NEBL: variants seen among roughly 807,000 people sequenced by gnomAD.
The protein encoded by NEBL is nebulette.
A neutral mutation model predicts 140.2 loss-of-function variants in NEBL; 122 were observed. The observed-to-expected ratio is 0.87, with a 90% confidence interval of 0.75 to 1.01. The LOEUF (loss-of-function observed/expected upper bound fraction) is 1.01, where lower values mean the gene tolerates loss of function less well. NEBL is among the 50% of genes least tolerant of loss of function. The pLI is 0.00. For missense variants in NEBL, 1,365 were observed against 1,231.3 expected (o/e 1.11, Z -1.62); for synonymous variants, 436 against 398.9 (o/e 1.09, Z -1.11).
chr10:20,850,926 C>T (rs1231847019), intron 10 of NEBL, among the ~76,000 whole-genome samples: 6 of 152,132 alleles, frequency 3.9e-5, no homozygotes, highest in Non-Finnish European at 7.4e-5. Flanking sequence ...GGGTATGATT[C>T]TCTATTTTTT....
At chr10:21,048,189 G>T (rs763427588) in intron 2 of NEBL, among the ~76,000 whole-genome samples, 1 of 152,086 alleles carries the variant, frequency 6.6e-6, no homozygotes, top group Admixed American at 6.5e-5. Flanking sequence ...TTCTCCCCTC[G>T]CACGCTGTCC....
chr10:21,035,449 A>G (rs1452721988), intron 2 of NEBL, among the ~76,000 whole-genome samples: 2 of 152,276 alleles, frequency 1.3e-5, no homozygotes, highest in Non-Finnish European at 2.9e-5. Context: ...CTTCCAAGCA[A>G]CTCAATAAGC....
At position 20,850,535 on chromosome 10, in the gene NEBL, G is replaced by C. The variant is rs200562329; in HGVS notation, c.1009-33C>G. The stretch of plus-strand genomic sequence containing the variant: ...GGAAAAAGAAAAGCATATACAAATC[G>C]AAAGTCCTTATACAAACAGAGCAAA... On this transcript the variant is annotated intron_variant, in intron 10 of 27. Coordinates refer to ENST00000377122, the MANE Select transcript of NEBL (RefSeq NM_006393.3). The C allele has an allele frequency of 3.2e-5, 44 of 1,383,196 alleles. 1 individual carries two copies. In the Middle Eastern group the frequency reaches 9.5e-4, roughly 30 times the overall value. 85.7% of individuals were successfully genotyped at this position (1,383,196 alleles called of 1,614,324 possible). A position where few individuals can be genotyped will look rare whatever the true frequency, so the allele number is the denominator to read the frequency against.
At chr10:21,174,037 G>T in exon 1 of NEBL, 1 of 1,135,074 alleles carries the variant, frequency 8.8e-7, no homozygotes, top group Admixed American at 4.9e-5. Flanking sequence ...CGCGCTCTCG[G>T]GCTCGCAGGC....
At chr10:20,826,641 A>G (rs1225750790) in intron 17 of NEBL, 102 bp from the exon 18 acceptor site, 2 of 835,100 alleles carry the variant, frequency 2.4e-6, no homozygotes, top group African/African-American at 3.4e-5. Flanking sequence ...AATAATATGA[A>G]TACTGCATCT....
At chr10:21,097,038 T>C (rs924920264) in intron 2 of NEBL, among the ~76,000 whole-genome samples, 2 of 152,176 alleles carry the variant, frequency 1.3e-5, no homozygotes, top group Non-Finnish European at 2.9e-5. Flanking sequence ...AATACACTTG[T>C]AGGAGTTTTA....
intron 2 of NEBL, among the ~76,000 whole-genome samples, chr10:21,131,140 A>G (rs571674549): frequency 1.3e-5 from 2 of 152,190 alleles, no homozygotes; most frequent in Non-Finnish European, 2.9e-5. Context: ...ATTAACCAAG[A>G]TGAAATAGAC....
chr10:21,207,248 A>G (rs1179233660), intron 3 of NEBL, among the ~76,000 whole-genome samples: 1 of 152,070 alleles, frequency 6.6e-6, no homozygotes, highest in African/African-American at 2.4e-5. Flanking sequence ...TGCTGGGATT[A>G]CAGACGTAAG....
intron 4 of NEBL, among the ~76,000 whole-genome samples, chr10:20,955,414 G>T (rs1835750762): frequency 6.6e-6 from 1 of 152,184 alleles, no homozygotes; most frequent in African/African-American, 2.4e-5. Context: ...GTGTGTCTGG[G>T]ATCAGGGGGC....
intron 2 of NEBL, among the ~76,000 whole-genome samples, chr10:21,118,056 C>T (rs1473530352): frequency 2.0e-5 from 3 of 152,126 alleles, no homozygotes; most frequent in East Asian, 1.9e-4. Flanking sequence ...TTATGATTTC[C>T]TCATGTGCCC....
At position 21,060,592 on chromosome 10, in the gene NEBL, T is replaced by G. The variant is rs961576593; in HGVS notation, c.165-40391A>C. Reference sequence around the variant, plus strand: ...ATATATTTTAAAATGGTTTTATTTATCTCATTTTTTTTAAAAATCCCCTGG... The same window carrying G: ...ATATATTTTAAAATGGTTTTATTTAGCTCATTTTTTTTAAAAATCCCCTGG... On this transcript the variant is annotated intron_variant, in intron 2 of 6. Coordinates refer to the NEBL transcript ENST00000417816. Among the ~76,000 whole-genome samples the G allele has an allele frequency of 2.6e-5, 4 of 152,156 alleles. No homozygotes were observed. The South Asian group carries it at 8.3e-4, about 32-fold the overall frequency.
intron 3 of NEBL, among the ~76,000 whole-genome samples, chr10:21,190,514 G>T (rs375817051): frequency 6.6e-6 from 1 of 151,996 alleles, no homozygotes; most frequent in East Asian, 1.9e-4. Context: ...AACCATCCTG[G>T]ATCTGGTACA....
chr10:20,879,249 A>T (rs1845795527), intron 5 of NEBL, among the ~76,000 whole-genome samples: 2 of 152,190 alleles, frequency 1.3e-5, no homozygotes, highest in African/African-American at 2.4e-5. Flanking sequence ...CATTTTCCTC[A>T]TCTACAAAAT....
At chr10:20,878,817 A>T (rs1330563191) in intron 5 of NEBL, among the ~76,000 whole-genome samples, 1 of 152,196 alleles carries the variant, frequency 6.6e-6, no homozygotes, top group Non-Finnish European at 1.5e-5. Flanking sequence ...GAAGGAGAAA[A>T]GGGCTTTATA....
chr10:20,893,145 T>C (rs1221596381), intron 2 of NEBL, among the ~76,000 whole-genome samples: 1 of 152,222 alleles, frequency 6.6e-6, no homozygotes, highest in Non-Finnish European at 1.5e-5. Flanking sequence ...GTCCACCTGC[T>C]CTGCAGAAGG....
intron 2 of NEBL, among the ~76,000 whole-genome samples, chr10:21,169,083 T>A (rs867548662): frequency 0.026 from 2,597 of 98,142 alleles, 259 homozygotes; most frequent in East Asian, 0.17. Flanking sequence ...TATATATATA[T>A]ATATATATAT....
chr10:21,149,789 T>C (rs982396306), intron 2 of NEBL, among the ~76,000 whole-genome samples: 10 of 152,226 alleles, frequency 6.6e-5, no homozygotes, highest in Non-Finnish European at 1.3e-4. Flanking sequence ...CTTGTAGGAC[T>C]GAGCCCTCAA....
intron 26 of NEBL, among the ~76,000 whole-genome samples, chr10:20,792,142 G>GAA (rs1384049521): frequency 6.8e-6 from 1 of 147,198 alleles, no homozygotes; most frequent in African/African-American, 2.5e-5. Context: ...AAAAAAGAAA[G>GAA]AAAGAAAAAG....
intron 12 of NEBL, among the ~76,000 whole-genome samples, chr10:20,844,743 G>A (rs1416769912): frequency 6.6e-6 from 1 of 151,902 alleles, no homozygotes; most frequent in African/African-American, 2.4e-5. Context: ...AAGTAATGTA[G>A]CATTTATCCA....
Sources: allele counts gnomAD v4.1 joint callset (sites outside exome capture counted in the v4.1 genomes callset), GRCh38; gene constraint gnomAD v4.1.1; transcripts MANE v1.5; gene names NCBI Gene and HGNC (gene_info 2026-07-23, HGNC 2026-07-21).